ADAM11: variants seen among roughly 807,000 people sequenced by gnomAD.
ADAM11 encodes the protein ADAM metallopeptidase domain 11, also known as disintegrin and metalloproteinase domain-containing protein 11.
In ADAM11, 49 loss-of-function variants were observed where a neutral mutation model predicts 119.1. The ratio of observed to expected loss-of-function variants is 0.41; its 90% CI spans 0.33 to 0.52. ADAM11 has a LOEUF of 0.52. Ranked by LOEUF, ADAM11 falls within the 20% of genes least tolerant of loss-of-function variation. ADAM11 has a pLI of 0.20. For missense variants in ADAM11, 777 were observed against 1,047.5 expected (o/e 0.74, Z 3.56); for synonymous variants, 364 against 408.0 (o/e 0.89, Z 1.30).
At chr17:44,770,931 A>G (rs1343834125) in intron 4 of ADAM11, among the ~76,000 whole-genome samples, 1 of 152,154 alleles carries the variant, frequency 6.6e-6, no homozygotes, top group African/African-American at 2.4e-5. Flanking sequence ...CCTGGCCAAC[A>G]TGGTGAAACA....
At chr17:44,774,629 G>C (rs2049574192) in intron 13 of ADAM11, 47 bp downstream of exon 13, 2 of 1,602,156 alleles carry the variant, frequency 1.2e-6, no homozygotes, top group South Asian at 2.2e-5. Context: ...CAGCAGCTCT[G>C]GAACGGGAGG....
chr17:44,775,674 A>G lies in ADAM11; in HGVS notation c.1483A>G (p.Lys495Glu), dbSNP rs1267335403. Residue 495 changes from lysine (K) to glutamate (E), a missense_variant and splice_region_variant, in exon 17 of 27, where the codon AAG (lysine) becomes GAG (glutamate). Physicochemically the swap from Lys to Glu is moderately conservative, Grantham distance 56. Coordinates refer to ENST00000200557, the MANE Select transcript of ADAM11 (RefSeq NM_002390.6). This position sits in a 1 kb window ranked among gnomAD's most constrained non-coding sequence, Gnocchi z 7.5. Reference protein sequence around the residue: ...CSDGLCCRRCKYEPRGVSCRE... With the variant: ...CSDGLCCRRCEYEPRGVSCRE... ...CGACGGGCTCTGCTGTCGCCGCTGC[A>G]AGGTAAGCAGGACCGGCCGGGAGGC... The G allele has an allele frequency of 1.3e-6, 2 of 1,581,628 alleles. No homozygotes were observed. The highest frequency in any genetic ancestry group is 1.7e-6 in the Non-Finnish European group (2 of 1,166,040).
At chr17:44,759,657 C>A in intron 1 of ADAM11, 65 bp from the exon 2 acceptor site, 1 of 1,309,040 alleles carries the variant, frequency 7.6e-7, no homozygotes, top group Non-Finnish European at 9.8e-7. Flanking sequence ...GGCATGCCCA[C>A]CCCATTCCCA....
rs1331945234 is a variant in ADAM11, at chr17:44,760,981, AG to A, written c.237+1088del. ...TGGACCATCACTCAGGGCCGTGCAG[AG>A]GGGCAGGGGGAGGGGGCTAATGGTC... On this transcript the variant is annotated intron_variant, in intron 2 of 26. Transcript: ENST00000200557. Among the ~76,000 whole-genome samples the A allele has an allele frequency of 2.3e-4, 7 of 30,380 alleles. No homozygotes were observed. The Admixed American group carries it at 3.2e-3, about 14-fold the overall frequency. 19.9% of individuals were successfully genotyped at this position (30,380 alleles called of 152,430 possible).
chr17:44,759,609 C>T, intron 1 of ADAM11, 113 bp from the exon 2 acceptor site: 2 of 1,305,500 alleles, frequency 1.5e-6, no homozygotes, highest in South Asian at 6.3e-5. Flanking sequence ...ACCCGGATCG[C>T]CCTAGGGCTC....
Position 44,769,705 on chromosome 17 carries a change from T to TCCCC in ADAM11, c.238-10_238-7dup. On this transcript the variant is annotated splice_polypyrimidine_tract_variant and intron_variant, in intron 2 of 26. Coordinates refer to ENST00000200557, the MANE Select transcript of ADAM11 (RefSeq NM_002390.6). The stretch of plus-strand genomic sequence containing the variant: ...CCCTGGGTTGACTCCCCCTCTGCCC[T>TCCCC]CCCCCCACCCAGCCTGTCCATCTGG... 8.4e-7 allele frequency: 1 copy of TCCCC among 1,191,276 alleles called. No individual in the cohort carries two copies. Among genetic ancestry groups the TCCCC allele is most frequent in the Non-Finnish European group, 1.3e-6 (1 of 795,978 alleles). 73.8% of individuals were successfully genotyped at this position (1,191,276 alleles called of 1,614,324 possible). A position where few individuals can be genotyped will look rare whatever the true frequency, so the allele number is the denominator to read the frequency against.
chr17:44,778,283 G>C (rs757442951), intron 25 of ADAM11, 41 bp downstream of exon 25: 61 of 1,570,358 alleles, frequency 3.9e-5, no homozygotes, highest in Non-Finnish European at 5.2e-5. Flanking sequence ...GCATCCTTGA[G>C]GGGGGATCAG....
At position 44,781,273 on chromosome 17, in the gene ADAM11, C is replaced by T. The variant is rs1490094913; in HGVS notation, c.*1519C>T. ...TATTCACAACACCCTCAGGGGCAAA[C>T]AGGCCTGGGACCCGCTGACACCATT... On this transcript the variant is annotated 3_prime_UTR_variant, in exon 27 of 27. Coordinates refer to ENST00000200557, the MANE Select transcript of ADAM11 (RefSeq NM_002390.6). 1 of 152,212 alleles carries T rather than the reference C, an allele frequency of 6.6e-6. No individual in the cohort carries two copies. Among genetic ancestry groups the T allele is most frequent in the Non-Finnish European group, 1.5e-5 (1 of 68,042 alleles). The allele number at this position is 152,212 out of a possible 1,614,324, so 9.4% of individuals were successfully genotyped here.
At chr17:44,766,420 G>C (rs964795934) in intron 2 of ADAM11, among the ~76,000 whole-genome samples, 1 of 152,180 alleles carries the variant, frequency 6.6e-6, no homozygotes, top group African/African-American at 2.4e-5. Context: ...GCCTTTTTCT[G>C]TCTGCACCCC....
Position 44,772,970 on chromosome 17 carries a change from G to T in ADAM11, c.753+39G>T. 6.2e-7 allele frequency: 1 copy of T among 1,614,028 alleles called. No individual in the cohort carries two copies. The highest frequency in any genetic ancestry group is 8.5e-7 in the Non-Finnish European group (1 of 1,179,948). ...CAGGGACAGGGCGTGACACTGGGAGGCCCCTGAGGAGCCTGGCCCTCCTCC... is the reference window on the plus strand; with the variant it reads ...CAGGGACAGGGCGTGACACTGGGAGTCCCCTGAGGAGCCTGGCCCTCCTCC... On this transcript the variant is annotated intron_variant, in intron 9 of 26. Coordinates refer to ENST00000200557, the MANE Select transcript of ADAM11 (RefSeq NM_002390.6). This position sits in a 1 kb window ranked among gnomAD's most constrained non-coding sequence, Gnocchi z 4.5.
chr17:44,772,271 C>T lies in ADAM11; in HGVS notation c.548C>T (p.Pro183Leu), dbSNP rs1209621744. 6.2e-7 allele frequency: 1 copy of T among 1,608,118 alleles called. No homozygotes were observed. The highest frequency in any genetic ancestry group is 2.2e-5 in the East Asian group (1 of 44,790). Residue 183 changes from proline to leucine, a missense_variant, in exon 7 of 27, where the codon CCC (proline) becomes CTC (leucine). This residue lies in a region of ADAM11 where 278 missense variants were observed against 310.1 expected (regional missense o/e 0.90). Transcript: ENST00000200557. The surrounding 1 kb of genome is among the most constrained non-coding windows in gnomAD (Gnocchi z 4.5). ...ACTAATTTCCCCTCATTGCAGGGACCCCTTCCCCACCTCATTTACCGGACC... is the reference window on the plus strand; with the variant it reads ...ACTAATTTCCCCTCATTGCAGGGACTCCTTCCCCACCTCATTTACCGGACC... ...VAGPWGAPQG[P>L]LPHLIYRTPL... is the part of the protein sequence containing the mutation.
At chr17:44,778,108 C>T (rs553248443) in intron 24 of ADAM11, 42 bp downstream of exon 24, 20 of 1,611,998 alleles carry the variant, frequency 1.2e-5, no homozygotes, top group African/African-American at 8.0e-5. Context: ...CTGTCCTGCT[C>T]TCTATGCCTG....
In ADAM11 at chr17:44,773,197, G is replaced by A; in HGVS notation, c.826-64G>A. The A allele has an allele frequency of 6.3e-7, 1 of 1,598,812 alleles. No individual in the cohort carries two copies. The highest frequency in any genetic ancestry group is 8.6e-7 in the Non-Finnish European group (1 of 1,168,134). Reference sequence around the variant, plus strand: ...CCCACTTCCTGGAGAGAACAGACAGGCCCTCCTCCAGCCCTGGCCCCAACA... The same window carrying A: ...CCCACTTCCTGGAGAGAACAGACAGACCCTCCTCCAGCCCTGGCCCCAACA... On this transcript the variant is annotated intron_variant, in intron 10 of 26. Coordinates refer to ENST00000200557, the MANE Select transcript of ADAM11 (RefSeq NM_002390.6). This position sits in a 1 kb window ranked among gnomAD's most constrained non-coding sequence, Gnocchi z 4.6.
In ADAM11 at chr17:44,772,412, T is replaced by G. The variant is rs1234288223; in HGVS notation, c.624T>G (p.Ala208=). ...CCCTCCCCACAGGCTGCCTGTTTGC[T>G]GTGCCTGCCCAGTCGGCTCCTCCAA... ...LGCREPGCLF[A]VPAQSAPPNR... Residue 208 remains alanine, a synonymous_variant, in exon 8 of 27, where the codon GCT becomes GCG. Transcript: ENST00000200557. The surrounding 1 kb of genome is among the most constrained non-coding windows in gnomAD (Gnocchi z 4.5). The G allele has an allele frequency of 1.9e-6, 3 of 1,579,002 alleles. No individual in the cohort carries two copies. Among genetic ancestry groups the G allele is most frequent in the Non-Finnish European group, 2.6e-6 (3 of 1,161,650 alleles).
In ADAM11 at chr17:44,779,435, G is replaced by A. The variant is rs945327033; in HGVS notation, c.2294+196G>A. 6 of 985,218 alleles carry A rather than the reference G, an allele frequency of 6.1e-6. No individual in the cohort carries two copies. The African/African-American group carries it at 7.0e-5, about 11-fold the overall frequency. The allele number at this position is 985,218 out of a possible 1,614,324, so 61.0% of individuals were successfully genotyped here. On this transcript the variant is annotated intron_variant, in intron 26 of 26. Coordinates refer to ENST00000200557, the MANE Select transcript of ADAM11 (RefSeq NM_002390.6). ...AGGGAAGAAGGTCCCAGCTGCCCTC[G>A]CCCTCGCCCGCTCAGGCCACGTCCT...
chr17:44,771,974 G>T, intron 6 of ADAM11, 143 bp downstream of exon 6: 1 of 991,834 alleles, frequency 1.0e-6, no homozygotes, highest in Non-Finnish European at 1.5e-6. Flanking sequence ...CCCAGCTCTG[G>T]TTCCCTCCCT....
At chr17:44,759,411 G>A (rs1222821326) in intron 1 of ADAM11, 151 bp downstream of exon 1, 1 of 1,257,280 alleles carries the variant, frequency 8.0e-7, no homozygotes, top group Non-Finnish European at 1.0e-6. Context: ...AGGAGGGAAG[G>A]TGCGTCCACC....
Position 44,775,626 on chromosome 17 carries a change from C to A in ADAM11, c.1435C>A (p.Leu479Met). Reference protein sequence around the residue: ...AGGNCCKKCTLTHDAMCSDGL... With the variant: ...AGGNCCKKCTMTHDAMCSDGL... Reference sequence around the variant, plus strand: ...TGGCAACTGCTGCAAGAAATGCACCCTGACTCACGACGCCATGTGCAGCGA... The same window carrying A: ...TGGCAACTGCTGCAAGAAATGCACCATGACTCACGACGCCATGTGCAGCGA... The change falls in exon 17 of 27, where the codon CTG (leucine) becomes ATG (methionine). Residue 479 changes from leucine to methionine, a missense_variant. This residue lies in a region of ADAM11 where 348 missense variants were observed against 486.7 expected (regional missense o/e 0.72). Transcript: ENST00000200557. This position sits in a 1 kb window ranked among gnomAD's most constrained non-coding sequence, Gnocchi z 7.5. 1 of 1,592,652 alleles carries A rather than the reference C, an allele frequency of 6.3e-7. No individual in the cohort carries two copies. The highest frequency in any genetic ancestry group is 8.5e-7 in the Non-Finnish European group (1 of 1,170,716).
At chr17:44,762,847 G>A (rs1055106729) in intron 2 of ADAM11, among the ~76,000 whole-genome samples, 1 of 152,030 alleles carries the variant, frequency 6.6e-6, no homozygotes, top group Non-Finnish European at 1.5e-5. Context: ...CGGCCAAGAA[G>A]GAATTAGAAG....
Sources: gnomAD v4.1 joint callset for allele counts (sites outside exome capture counted in the v4.1 genomes callset) on GRCh38, gnomAD v4.1.1 for gene constraint, gnomAD v4.1.1 regional missense constraint, Gnocchi (gnomAD v3.1) non-coding constraint, MANE v1.5 for transcripts, NCBI Gene and HGNC (gene_info 2026-07-23, HGNC 2026-07-21) for gene names.